MPP7: variants seen among roughly 807,000 people sequenced by gnomAD.
MPP7 encodes the protein MAGUK p55 scaffold protein 7.
MPP7 carries 60 observed loss-of-function variants against 76.5 expected under a neutral mutation model. The ratio of observed to expected loss-of-function variants is 0.78; its 90% CI spans 0.64 to 0.97. MPP7 has a LOEUF of 0.97. Among genes scored for constraint, MPP7 ranks in the 50% least tolerant of loss-of-function variants. The pLI is 0.00. For synonymous variants in MPP7, 237 were observed against 244.5 expected (o/e 0.97, Z 0.29); for missense variants, 641 against 694.0 (o/e 0.92, Z 0.86).
intron 3 of MPP7, among the ~76,000 whole-genome samples, chr10:28,198,826 T>C (rs995779677): frequency 1.3e-5 from 2 of 152,214 alleles, no homozygotes; most frequent in Non-Finnish European, 2.9e-5. Flanking sequence ...AGATGGGTCC[T>C]GGATGCAGCT....
intron 2 of MPP7, among the ~76,000 whole-genome samples, chr10:28,326,025 G>A (rs1260367840): frequency 1.3e-5 from 2 of 150,580 alleles, no homozygotes; most frequent in African/African-American, 4.9e-5. Context: ...CTGGCCTGCA[G>A]TAATTAAGTT....
intron 2 of MPP7, among the ~76,000 whole-genome samples, chr10:28,229,277 C>G (rs2134101910): frequency 6.6e-6 from 1 of 152,318 alleles, no homozygotes; most frequent in Non-Finnish European, 1.5e-5. Context: ...ACTCTGACAA[C>G]TGACTTTTAA....
chr10:28,103,397 T>C (rs1356815299), intron 11 of MPP7, among the ~76,000 whole-genome samples: 2 of 152,156 alleles, frequency 1.3e-5, no homozygotes, highest in Non-Finnish European at 2.9e-5. Flanking sequence ...CCTGAACACA[T>C]GCATCCTGTC....
At chr10:28,098,969 T>C (rs1224329393) in intron 11 of MPP7, among the ~76,000 whole-genome samples, 1 of 152,146 alleles carries the variant, frequency 6.6e-6, no homozygotes, top group African/African-American at 2.4e-5. Flanking sequence ...ATAAAATGGA[T>C]AAAAATCCTT....
chr10:28,329,653 C>A (rs988930135), intron 2 of MPP7, among the ~76,000 whole-genome samples: 38 of 140,734 alleles, frequency 2.7e-4, no homozygotes, highest in African/African-American at 9.8e-4. Flanking sequence ...AAAAAAAAAA[C>A]CACTACTTTA....
rs1454059843 is a variant in MPP7 at position 28,118,416 on chromosome 10, C to T, written c.952+1235G>A. 3 of 982,784 alleles carry T rather than the reference C, an allele frequency of 3.1e-6. No individual in the cohort carries two copies. In the African/African-American group the frequency reaches 5.3e-5, roughly 17 times the overall value. The allele number at this position is 982,784 out of a possible 1,614,324, so 60.9% of individuals were successfully genotyped here. On this transcript the variant is annotated intron_variant, in intron 11 of 16. Coordinates refer to ENST00000683449, the MANE Select transcript of MPP7 (RefSeq NM_001318170.2). ...ATGGATCCAGATTCGAGTATAATTACATTTATTTCATCTTTAAGTGACACA... is the reference window on the plus strand; with the variant it reads ...ATGGATCCAGATTCGAGTATAATTATATTTATTTCATCTTTAAGTGACACA...
intron 3 of MPP7, among the ~76,000 whole-genome samples, chr10:28,193,316 CAT>C (rs1425293275): frequency 6.6e-6 from 1 of 151,716 alleles, no homozygotes; most frequent in Non-Finnish European, 1.5e-5. Flanking sequence ...GGGTTCAGAC[CAT>C]TCTCCTGCCT....
chr10:28,159,432 C>A (rs1287063563), intron 3 of MPP7, among the ~76,000 whole-genome samples: 1 of 152,098 alleles, frequency 6.6e-6, no homozygotes, highest in African/African-American at 2.4e-5. Context: ...TGACATCTTA[C>A]CAAAAATCAG....
intron 12 of MPP7, among the ~76,000 whole-genome samples, chr10:28,085,435 G>C (rs1283722812): frequency 6.6e-6 from 1 of 152,216 alleles, no homozygotes; most frequent in African/African-American, 2.4e-5. Context: ...AAACTTGCTT[G>C]AGACTGTTTG....
chr10:28,302,987 G>C lies in MPP7; in HGVS notation c.-258C>G, dbSNP rs1263307625. On this transcript the variant is annotated 5_prime_UTR_variant, in exon 1 of 17. Coordinates refer to ENST00000683449, the MANE Select transcript of MPP7 (RefSeq NM_001318170.2). ...AGGACAATCGGGAGCCAGCGGGCTC[G>C]GCACCGCCGCGGCGGGCGCAGAACG... Among the ~76,000 whole-genome samples the C allele has an allele frequency of 2.0e-5, 3 of 152,104 alleles. No individual in the cohort carries two copies. The highest frequency in any genetic ancestry group is 1.9e-4 in the East Asian group (1 of 5,152).
intron 5 of MPP7, among the ~76,000 whole-genome samples, chr10:28,145,743 C>T (rs1835682350): frequency 6.6e-6 from 1 of 152,110 alleles, no homozygotes; most frequent in African/African-American, 2.4e-5. Context: ...GTCTTTCATG[C>T]TAACTTTACA....
At chr10:28,192,258 T>C (rs551351337) in intron 3 of MPP7, among the ~76,000 whole-genome samples, 3 of 152,142 alleles carry the variant, frequency 2.0e-5, no homozygotes, top group Non-Finnish European at 4.4e-5. Flanking sequence ...CCACAGCTAT[T>C]CAACACTATA....
chr10:28,249,454 T>C (rs1025708833), intron 1 of MPP7, among the ~76,000 whole-genome samples: 1 of 152,258 alleles, frequency 6.6e-6, no homozygotes, highest in East Asian at 1.9e-4. Context: ...CCGGGCATGG[T>C]GGCACACGCT....
At chr10:28,310,453 G>A (rs138242435) in intron 2 of MPP7, among the ~76,000 whole-genome samples, 4 of 152,130 alleles carry the variant, frequency 2.6e-5, no homozygotes, top group South Asian at 4.2e-4. Flanking sequence ...GCTGTCACAC[G>A]AACTCGTTGC....
intron 3 of MPP7, among the ~76,000 whole-genome samples, chr10:28,199,200 G>A (rs747897342): frequency 3.3e-5 from 5 of 151,988 alleles, no homozygotes; most frequent in South Asian, 2.1e-4. Context: ...ATTATCTCCC[G>A]CGGGGTCCTT....
chr10:28,290,099 G>T (rs562831011), intron 1 of MPP7, among the ~76,000 whole-genome samples: 1 of 152,146 alleles, frequency 6.6e-6, no homozygotes, highest in Non-Finnish European at 1.5e-5. Flanking sequence ...GATTACAGGC[G>T]TGTGCCACTG....
chr10:28,147,076 T>G, intron 5 of MPP7, among the ~76,000 whole-genome samples: 1 of 150,914 alleles, frequency 6.6e-6, no homozygotes, highest in African/African-American at 2.4e-5. Context: ...AATGGGGAGG[T>G]GAAAGGGGAA....
rs546653584 is a variant in MPP7, at chr10:28,290,232, C to T, written c.-132+12629G>A. On this transcript the variant is annotated intron_variant, in intron 1 of 16. Transcript: ENST00000683449. The stretch of plus-strand genomic sequence containing the variant: ...AATAAAAGTATGCCTTGTATTGATG[C>T]CCTATATCCTTTACTAAGTGGCCCC... Among the ~76,000 whole-genome samples, 14 of 151,882 alleles carry T rather than the reference C, an allele frequency of 9.2e-5. No individual in the cohort carries two copies. The South Asian group carries it at 2.3e-3, about 25-fold the overall frequency.
chr10:28,081,476 G>C (rs1852757745), intron 12 of MPP7, among the ~76,000 whole-genome samples: 1 of 152,160 alleles, frequency 6.6e-6, no homozygotes, highest in Non-Finnish European at 1.5e-5. Flanking sequence ...CTGTCATTGA[G>C]ATGTTTTGGT....
Sources: allele counts gnomAD v4.1 joint callset (sites outside exome capture counted in the v4.1 genomes callset), GRCh38; gene constraint gnomAD v4.1.1; transcripts MANE v1.5; gene names NCBI Gene and HGNC (gene_info 2026-07-23, HGNC 2026-07-21).